The following C9orf72 variants were observed in gnomAD, a reference collection of about 807,000 sequenced individuals.
C9orf72 encodes the protein guanine nucleotide exchange factor C9orf72.
C9orf72 carries 44 observed loss-of-function variants against 51.6 expected under a neutral mutation model. That is an observed-to-expected ratio of 0.85 (90% CI 0.67 to 1.10). C9orf72 has a LOEUF of 1.10. C9orf72 is among the 50% of genes least tolerant of loss of function. The probability of loss-of-function intolerance (pLI) is 0.00; values close to 1 mark genes in which losing one functional copy is unlikely to be tolerated. For missense variants in C9orf72, 607 were observed against 570.6 expected (o/e 1.06, Z -0.65); for synonymous variants, 213 against 194.2 (o/e 1.10, Z -0.81).
chr9:27,554,693 T>C (rs1013429948), intron 8 of C9orf72: 1 of 398,142 alleles, frequency 2.5e-6, no homozygotes, highest in Admixed American at 4.4e-5. Flanking sequence ...ACTGGAATTA[T>C]TTTAAAAAGT....
At chr9:27,556,910 C>T (rs1819216057) in intron 7 of C9orf72, 114 bp from the exon 8 acceptor site, 2 of 709,792 alleles carry the variant, frequency 2.8e-6, no homozygotes, top group Non-Finnish European at 4.7e-6. Flanking sequence ...AAAATTTATC[C>T]TAAGAAGCTA....
rs937959208 is a variant in C9orf72 at position 27,548,161 on chromosome 9, A to G, written c.*75T>C. On this transcript the variant is annotated 3_prime_UTR_variant, in exon 11 of 11. Coordinates refer to ENST00000380003, the MANE Select transcript of C9orf72 (RefSeq NM_018325.5). ...AGAATTCTGGAGTATGATCCAGGGGAACGTTTCCCCACACCACTGAGCTAC... is the reference window on the plus strand; with the variant it reads ...AGAATTCTGGAGTATGATCCAGGGGGACGTTTCCCCACACCACTGAGCTAC... 8.9e-7 allele frequency: 1 copy of G among 1,119,226 alleles called. No homozygotes were observed. The highest frequency in any genetic ancestry group is 1.6e-5 in the African/African-American group (1 of 62,830). 69.3% of individuals were successfully genotyped at this position (1,119,226 alleles called of 1,614,324 possible).
intron 3 of C9orf72, among the ~76,000 whole-genome samples, chr9:27,563,949 A>G (rs1014560432): frequency 1.2e-4 from 19 of 152,250 alleles, no homozygotes; most frequent in Admixed American, 1.0e-3. Flanking sequence ...TTTCAAACTA[A>G]TGCATCATCC....
chr9:27,557,836 G>T (rs1177338037), intron 7 of C9orf72, among the ~76,000 whole-genome samples: 1 of 151,518 alleles, frequency 6.6e-6, no homozygotes, highest in African/African-American at 2.4e-5. Context: ...TCATTTTGCC[G>T]TGGCTACATC....
chr9:27,572,261 T>C (rs1336858726), intron 1 of C9orf72, among the ~76,000 whole-genome samples: 3 of 152,172 alleles, frequency 2.0e-5, no homozygotes, highest in Non-Finnish European at 4.4e-5. Context: ...ATGTAGCAGT[T>C]TCCAACTGAT....
At chr9:27,559,688 A>T (rs1819294232) in intron 6 of C9orf72, 2 of 152,116 alleles carry the variant, frequency 1.3e-5, no homozygotes, top group Admixed American at 6.6e-5. Flanking sequence ...TTTATTAGCT[A>T]ATGCTTGGAA....
At chr9:27,556,054 T>A (rs188460764) in intron 8 of C9orf72, among the ~76,000 whole-genome samples, 5,209 of 150,246 alleles carry the variant, frequency 0.035, 112 homozygotes, top group South Asian at 0.052. Context: ...GCTTTTTTTT[T>A]TAAAAAAAAA....
At chr9:27,565,442 G>T in intron 3 of C9orf72, 89 bp downstream of exon 3, 1 of 768,340 alleles carries the variant, frequency 1.3e-6, no homozygotes, top group Non-Finnish European at 2.2e-6. Flanking sequence ...TTATTCGTAT[G>T]TCTCCAAGGC....
upstream of C9orf72, chr9:27,573,719 C>A: frequency 6.6e-6 from 1 of 152,424 alleles, no homozygotes. Flanking sequence ...CTCCTAAACC[C>A]ACACCTGCTC....
At chr9:27,565,698 C>T (rs1254347834) in intron 2 of C9orf72, 108 bp from the exon 3 acceptor site, 4 of 702,536 alleles carry the variant, frequency 5.7e-6, no homozygotes, top group Non-Finnish European at 9.6e-6. Flanking sequence ...AAGAAAAATA[C>T]TTTCTACTTT....
chr9:27,567,156 C>T lies in C9orf72; in HGVS notation c.-36G>A, dbSNP rs532143003. The T allele has an allele frequency of 1.6e-5, 25 of 1,539,738 alleles. No individual in the cohort carries two copies. Among genetic ancestry groups the T allele is most frequent in the Middle Eastern group, 1.7e-4 (1 of 5,878 alleles). On this transcript the variant is annotated 5_prime_UTR_variant, in exon 2 of 11. Transcript: ENST00000380003. ...CAACTGTCACATTATCCAAATGCTC[C>T]GGAGATATCTAAACAATGACATATG...
At chr9:27,563,778 C>T (rs1587315475) in intron 3 of C9orf72, among the ~76,000 whole-genome samples, 1 of 152,240 alleles carries the variant, frequency 6.6e-6, no homozygotes, top group East Asian at 1.9e-4. Flanking sequence ...GTAACCTCCA[C>T]AACTAACTAT....
At chr9:27,572,132 A>G (rs1259920409) in intron 1 of C9orf72, among the ~76,000 whole-genome samples, 1 of 152,340 alleles carries the variant, frequency 6.6e-6, no homozygotes, top group East Asian at 1.9e-4. Flanking sequence ...GCCAAACAAA[A>G]TATTTTATCA....
chr9:27,548,463 A>AAAAG, intron 10 of C9orf72, 41 bp from the exon 11 acceptor site: 1 of 1,185,148 alleles, frequency 8.4e-7, no homozygotes, highest in Non-Finnish European at 1.1e-6. Context: ...AAAAAAAAAG[A>AAAAG]AGCGCAAAAA....
rs886063839 is a variant in C9orf72, at chr9:27,547,919, T to C, written c.*317A>G. On this transcript the variant is annotated 3_prime_UTR_variant, in exon 11 of 11. Transcript: ENST00000380003. ...CTTGACACATGTAAACCATGAATCA[T>C]GTATTTCAAAAAAACAGTAGTTGTG... 2.5e-4 allele frequency: 44 copies of C among 175,702 alleles called. No individual in the cohort carries two copies. Among genetic ancestry groups the C allele is most frequent in the East Asian group, 1.4e-4 (1 of 7,134 alleles). 10.9% of individuals were successfully genotyped at this position (175,702 alleles called of 1,614,324 possible). A position where few individuals can be genotyped will look rare whatever the true frequency, so the allele number is the denominator to read the frequency against.
chr9:27,561,735 C>G (rs1236239031), intron 4 of C9orf72, 86 bp from the exon 5 acceptor site: 4 of 829,104 alleles, frequency 4.8e-6, no homozygotes, highest in Non-Finnish European at 7.7e-6. Context: ...TTTCGGAAGT[C>G]TGGATTCAAT....
At chr9:27,570,290 A>G (rs967664236) in intron 1 of C9orf72, among the ~76,000 whole-genome samples, 6 of 152,224 alleles carry the variant, frequency 3.9e-5, no homozygotes, top group African/African-American at 1.4e-4. Flanking sequence ...ATAACTAACA[A>G]CAGCAAACTG....
At chr9:27,557,005 A>T (rs928416717) in intron 7 of C9orf72, among the ~76,000 whole-genome samples, 5 of 152,320 alleles carry the variant, frequency 3.3e-5, no homozygotes, top group African/African-American at 1.2e-4. Flanking sequence ...TGACCTAAGC[A>T]TCCAAAGGAA....
chr9:27,548,299 A>G lies in C9orf72; in HGVS notation c.1383T>C (p.Ser461=). 6.2e-7 allele frequency: 1 copy of G among 1,613,526 alleles called. No homozygotes were observed. Among genetic ancestry groups the G allele is most frequent in the Non-Finnish European group, 8.5e-7 (1 of 1,179,640 alleles). Residue 461 remains serine, a synonymous_variant, in exon 11 of 11, where the codon TCT becomes TCC. Transcript: ENST00000380003. ...LAEKIKPGLH[S]FIFGRPFYTS... The stretch of plus-strand genomic sequence containing the variant: ...TGTAGAAAGGTCTTCCAAAGATAAA[A>G]GAGTGTAGGCCTGGTTTAATTTTCT...
Sources: allele counts gnomAD v4.1 joint callset (sites outside exome capture counted in the v4.1 genomes callset), GRCh38; gene constraint gnomAD v4.1.1; transcripts MANE v1.5; gene names NCBI Gene and HGNC (gene_info 2026-07-23, HGNC 2026-07-21).